DAD1: variants seen among roughly 807,000 people sequenced by gnomAD.
DAD1 encodes the protein dolichyl-diphosphooligosaccharide--protein glycosyltransferase subunit DAD1.
In DAD1, 4 loss-of-function variants were observed where a neutral mutation model predicts 9.0. The ratio of observed to expected loss-of-function variants is 0.44; its 90% CI spans 0.22 to 1.01. The LOEUF is 1.01. Among genes scored for constraint, DAD1 ranks in the 50% least tolerant of loss-of-function variants. The probability of loss-of-function intolerance (pLI) is 0.24; values close to 1 mark genes in which losing one functional copy is unlikely to be tolerated. For synonymous variants in DAD1, 60 were observed against 62.5 expected (o/e 0.96, Z 0.19); for missense variants, 119 against 137.3 (o/e 0.87, Z 0.67).
intron 2 of DAD1, among the ~76,000 whole-genome samples, chr14:22,573,519 C>CCTGG (rs536059315): frequency 3.7e-4 from 56 of 151,928 alleles, no homozygotes; most frequent in South Asian, 1.2e-3. Context: ...TCGAGATCAT[C>CCTGG]CTAACACGGT....
At chr14:22,568,747 A>C (rs1389116188) in intron 2 of DAD1, among the ~76,000 whole-genome samples, 1 of 146,444 alleles carries the variant, frequency 6.8e-6, no homozygotes, top group Non-Finnish European at 1.5e-5. Context: ...CTCAGGCTGG[A>C]GTGCAAGTGG....
chr14:22,583,005 CAAAAAA>C (rs60692589), intron 1 of DAD1, among the ~76,000 whole-genome samples: 1 of 91,726 alleles, frequency 1.1e-5, no homozygotes, highest in African/African-American at 4.3e-5. Flanking sequence ...GACTATGTCT[CAAAAAA>C]AAAAAAAAAA....
chr14:22,570,546 C>T (rs1295366446), intron 2 of DAD1, among the ~76,000 whole-genome samples: 1 of 152,186 alleles, frequency 6.6e-6, no homozygotes, highest in African/African-American at 2.4e-5. Context: ...CCGCTCAACA[C>T]ATGAAACATA....
intron 2 of DAD1, among the ~76,000 whole-genome samples, chr14:22,565,834 G>T (rs1335926973): frequency 1.3e-5 from 2 of 152,120 alleles, no homozygotes; most frequent in Non-Finnish European, 1.5e-5. Context: ...CTGGACTCCA[G>T]CACAGCTCTG....
At chr14:22,569,101 T>C (rs2037020702) in intron 2 of DAD1, among the ~76,000 whole-genome samples, 1 of 152,216 alleles carries the variant, frequency 6.6e-6, no homozygotes, top group Admixed American at 6.5e-5. Context: ...TGTTTTAGCA[T>C]CCAAGTAACT....
At chr14:22,567,570 C>A (rs2037009592) in intron 2 of DAD1, among the ~76,000 whole-genome samples, 1 of 152,172 alleles carries the variant, frequency 6.6e-6, no homozygotes, top group African/African-American at 2.4e-5. Flanking sequence ...CAAATCTGTC[C>A]AGAGCTGTGC....
intron 2 of DAD1, among the ~76,000 whole-genome samples, chr14:22,573,888 A>C (rs1487230363): frequency 6.6e-6 from 1 of 152,190 alleles, no homozygotes; most frequent in African/African-American, 2.4e-5. Context: ...AATTCATGTC[A>C]GAAAAGGAAG....
Position 22,585,924 on chromosome 14 carries a change from G to C in DAD1, c.211+3023C>G, listed in dbSNP as rs370450778. Among the ~76,000 whole-genome samples the C allele has an allele frequency of 2.2e-4, 33 of 152,262 alleles. No homozygotes were observed. The South Asian group carries it at 6.8e-3, about 32-fold the overall frequency. Reference sequence around the variant, plus strand: ...TCCTTTCTTTAAAAAAGCACCCTCAGTGCCGGGTGTGGTGGCTCACGCCTG... The same window carrying C: ...TCCTTTCTTTAAAAAAGCACCCTCACTGCCGGGTGTGGTGGCTCACGCCTG... On this transcript the variant is annotated intron_variant, in intron 1 of 2. Coordinates refer to ENST00000250498, the MANE Select transcript of DAD1 (RefSeq NM_001344.4).
chr14:22,575,082 A>T lies in DAD1; in HGVS notation c.*21T>A. On this transcript the variant is annotated 3_prime_UTR_variant, in exon 2 of 3. Coordinates refer to ENST00000250498, the MANE Select transcript of DAD1 (RefSeq NM_001344.4). ...ACATTCTTTTAGTCTCCTACTCCTCAATTAAGTAAATGAGAATGATTCAGC... is the reference window on the plus strand; with the variant it reads ...ACATTCTTTTAGTCTCCTACTCCTCTATTAAGTAAATGAGAATGATTCAGC... The T allele has an allele frequency of 6.2e-7, 1 of 1,613,046 alleles. No homozygotes were observed.
intron 1 of DAD1, among the ~76,000 whole-genome samples, chr14:22,583,948 T>C (rs541895692): frequency 7.7e-4 from 117 of 151,670 alleles, no homozygotes; most frequent in African/African-American, 2.7e-3. Context: ...AAAAATAGAG[T>C]GATTTATGAA....
intron 2 of DAD1, 99 bp downstream of exon 2, chr14:22,574,960 G>T: frequency 2.1e-6 from 2 of 961,312 alleles, no homozygotes; most frequent in Non-Finnish European, 1.5e-6. Flanking sequence ...AATGTCAATA[G>T]CAGTATGGGA....
intron 2 of DAD1, 62 bp downstream of exon 2, chr14:22,574,997 T>C: frequency 7.0e-7 from 1 of 1,432,190 alleles, no homozygotes; most frequent in Non-Finnish European, 9.5e-7. Context: ...TCAAAACCAG[T>C]CCCATCCAAT....
chr14:22,566,993 G>C (rs1429209912), intron 2 of DAD1: 1 of 152,160 alleles, frequency 6.6e-6, no homozygotes, highest in African/African-American at 2.4e-5. Context: ...TAAGAAGAAT[G>C]GTTTCAACTA....
intron 1 of DAD1, 79 bp downstream of exon 1, chr14:22,588,868 C>A (rs1337127669): frequency 1.4e-6 from 2 of 1,409,456 alleles, no homozygotes; most frequent in African/African-American, 1.4e-5. Context: ...GGGCGGTGGT[C>A]TGATATAGAG....
At chr14:22,582,191 G>A (rs1477457649) in intron 1 of DAD1, among the ~76,000 whole-genome samples, 1 of 142,626 alleles carries the variant, frequency 7.0e-6, no homozygotes, top group Non-Finnish European at 1.5e-5. Context: ...TGGCGACACA[G>A]TGAGACTGCG....
chr14:22,582,792 G>C (rs566811795), intron 1 of DAD1, among the ~76,000 whole-genome samples: 1 of 152,130 alleles, frequency 6.6e-6, no homozygotes, highest in Non-Finnish European at 1.5e-5. Context: ...AATCACCTGA[G>C]GTCAGGAGTT....
chr14:22,581,839 G>C (rs1204593134), intron 1 of DAD1, among the ~76,000 whole-genome samples: 1 of 151,894 alleles, frequency 6.6e-6, no homozygotes, highest in African/African-American at 2.4e-5. Flanking sequence ...GAGGGGCATG[G>C]TAAGCCTCAG....
In DAD1 at chr14:22,565,049, C is replaced by T; in HGVS notation, c.*133G>A. 1.4e-6 allele frequency: 1 copy of T among 698,368 alleles called. No homozygotes were observed. The highest frequency in any genetic ancestry group is 2.6e-6 in the Non-Finnish European group (1 of 383,428). The allele number at this position is 698,368 out of a possible 1,614,324, so 43.3% of individuals were successfully genotyped here. On this transcript the variant is annotated 3_prime_UTR_variant, in exon 3 of 3. Transcript: ENST00000250498. ...CTTTTCTCCTGCATAAAAAGCAGAG[C>T]TAGCAGTAAGTGCAAATCTGAAGAA...
At chr14:22,573,736 GAAA>G (rs572590900) in intron 2 of DAD1, among the ~76,000 whole-genome samples, 1 of 123,860 alleles carries the variant, frequency 8.1e-6, no homozygotes, top group Non-Finnish European at 1.8e-5. Flanking sequence ...AAACAGAAAA[GAAA>G]AAAAAAAAGT....
Sources: allele counts gnomAD v4.1 joint callset (sites outside exome capture counted in the v4.1 genomes callset), GRCh38; gene constraint gnomAD v4.1.1; transcripts MANE v1.5; gene names NCBI Gene and HGNC (gene_info 2026-07-23, HGNC 2026-07-21).